Variants in ZFAND3 observed in about 807,000 individuals in gnomAD.
ZFAND3 encodes AN1-type zinc finger protein 3.
In ZFAND3, 10 loss-of-function variants were observed where a neutral mutation model predicts 29.6. The observed-to-expected ratio is 0.34, with a 90% confidence interval of 0.21 to 0.57. The LOEUF is 0.57. ZFAND3 is among the 20% of genes least tolerant of loss of function. The pLI is 0.86. For missense variants in ZFAND3, 230 were observed against 304.5 expected (o/e 0.76, Z 1.82); for synonymous variants, 128 against 112.6 (o/e 1.14, Z -0.87).
intron 2 of ZFAND3, among the ~76,000 whole-genome samples, chr6:38,014,817 G>A (rs1763226344): frequency 6.6e-6 from 1 of 152,134 alleles, no homozygotes; most frequent in African/African-American, 2.4e-5. Flanking sequence ...AGGGAAGATG[G>A]TATAGAGTTA....
chr6:38,032,851 A>C (rs1763587873), intron 2 of ZFAND3, among the ~76,000 whole-genome samples: 1 of 152,224 alleles, frequency 6.6e-6, no homozygotes, highest in Non-Finnish European at 1.5e-5. Context: ...TGTGTTTGAA[A>C]TTGAATTATT....
At chr6:38,014,620 G>A (rs1581840335) in intron 2 of ZFAND3, among the ~76,000 whole-genome samples, 1 of 152,220 alleles carries the variant, frequency 6.6e-6, no homozygotes, top group Non-Finnish European at 1.5e-5. Context: ...AGCCACCATG[G>A]CCAGCCCTAG....
intron 5 of ZFAND3, among the ~76,000 whole-genome samples, chr6:38,135,694 G>A (rs142074662): frequency 1.8e-3 from 270 of 152,176 alleles, no homozygotes; most frequent in African/African-American, 6.2e-3. Context: ...GCAGTGAGCC[G>A]AGATCGCGCC....
chr6:37,938,055 TCAGAGACAACTA>T (rs1433882673), intron 2 of ZFAND3, among the ~76,000 whole-genome samples: 1 of 152,226 alleles, frequency 6.6e-6, no homozygotes, highest in African/African-American at 2.4e-5. Flanking sequence ...TCTTCCCAAC[TCAGAGACAACTA>T]CTCTCCTTCT....
intron 2 of ZFAND3, among the ~76,000 whole-genome samples, chr6:38,031,874 C>A (rs963033878): frequency 2.1e-5 from 3 of 141,876 alleles, no homozygotes; most frequent in African/African-American, 7.7e-5. Flanking sequence ...TGCTGTATCA[C>A]CCAGGTCCTT....
chr6:37,853,216 A>C (rs1201348517), intron 1 of ZFAND3, among the ~76,000 whole-genome samples: 5 of 152,122 alleles, frequency 3.3e-5, no homozygotes, highest in Non-Finnish European at 7.3e-5. Context: ...AAATGGGATC[A>C]GTGACACTGG....
chr6:37,837,898 A>G (rs1476055766), intron 1 of ZFAND3, among the ~76,000 whole-genome samples: 1 of 152,240 alleles, frequency 6.6e-6, no homozygotes, highest in South Asian at 2.1e-4. Flanking sequence ...TTAAAATTAT[A>G]TTGATACAAT....
intron 1 of ZFAND3, chr6:37,833,191 A>G (rs1375506812): frequency 6.6e-6 from 1 of 152,244 alleles, no homozygotes; most frequent in Non-Finnish European, 1.5e-5. Flanking sequence ...CAGGCATGCT[A>G]CCATTGTATC....
At chr6:37,839,085 A>G (rs956784777) in intron 1 of ZFAND3, among the ~76,000 whole-genome samples, 2 of 152,142 alleles carry the variant, frequency 1.3e-5, no homozygotes, top group African/African-American at 4.8e-5. Context: ...AAATATGCCC[A>G]TTGACCATTT....
At position 37,919,034 on chromosome 6, in the gene ZFAND3, A is replaced by G. The variant is rs1274158406; in HGVS notation, c.72-10925A>G. Among the ~76,000 whole-genome samples the G allele has an allele frequency of 4.9e-5, 7 of 143,520 alleles. No homozygotes were observed. The South Asian group carries it at 1.1e-3, about 22-fold the overall frequency. The allele number at this position is 143,520 out of a possible 152,430, so 94.2% of individuals were successfully genotyped here. ...AGTGGCGCAATCTTGGCTCACTGCA[A>G]CCTCCGACTCTCTGGTTCAGGTGAT... is the stretch of plus-strand genomic sequence containing the variant. On this transcript the variant is annotated intron_variant, in intron 1 of 5. Coordinates refer to ENST00000287218, the MANE Select transcript of ZFAND3 (RefSeq NM_021943.3).
intron 2 of ZFAND3, among the ~76,000 whole-genome samples, chr6:37,990,519 AGT>A (rs1238154001): frequency 6.6e-6 from 1 of 152,116 alleles, no homozygotes; most frequent in Non-Finnish European, 1.5e-5. Context: ...TTTTGGTTAG[AGT>A]GTGTCTGACC....
At chr6:38,110,948 G>A (rs1241876862) in intron 4 of ZFAND3, among the ~76,000 whole-genome samples, 2 of 152,086 alleles carry the variant, frequency 1.3e-5, no homozygotes, top group Admixed American at 6.5e-5. Context: ...TTGAGATTCA[G>A]CTTTGACAGG....
chr6:38,045,415 T>C (rs1763883823), intron 2 of ZFAND3, among the ~76,000 whole-genome samples: 1 of 152,242 alleles, frequency 6.6e-6, no homozygotes, highest in South Asian at 2.1e-4. Context: ...TCTAATACAT[T>C]AGTTGATATT....
At chr6:38,097,249 A>ATTTTTT (rs1190146160) in intron 4 of ZFAND3, among the ~76,000 whole-genome samples, 1 of 123,476 alleles carries the variant, frequency 8.1e-6, no homozygotes, top group Non-Finnish European at 1.7e-5. Flanking sequence ...TTAATTTTTC[A>ATTTTTT]TTTTTTTTTT....
intron 4 of ZFAND3, among the ~76,000 whole-genome samples, chr6:38,106,695 G>C (rs2127480477): frequency 6.6e-6 from 1 of 152,240 alleles, no homozygotes; most frequent in East Asian, 1.9e-4. Context: ...GTGTGTGTGT[G>C]TGTGTATATG....
At chr6:37,939,689 T>C (rs556061807) in intron 2 of ZFAND3, among the ~76,000 whole-genome samples, 2 of 152,164 alleles carry the variant, frequency 1.3e-5, no homozygotes, top group Non-Finnish European at 2.9e-5. Flanking sequence ...ACTGTTTGGG[T>C]TGGATACAGT....
intron 2 of ZFAND3, among the ~76,000 whole-genome samples, chr6:38,048,385 G>A (rs559198968): frequency 6.6e-6 from 1 of 151,868 alleles, no homozygotes; most frequent in African/African-American, 2.4e-5. Flanking sequence ...ACTTTGGGAG[G>A]CCGAGCCGGG....
chr6:38,064,033 C>A (rs1239003650), intron 3 of ZFAND3, among the ~76,000 whole-genome samples: 1 of 151,992 alleles, frequency 6.6e-6, no homozygotes, highest in Non-Finnish European at 1.5e-5. Flanking sequence ...TTTTCAAGAT[C>A]ATGTACTTAC....
chr6:37,856,364 C>G (rs2127381646), intron 1 of ZFAND3, among the ~76,000 whole-genome samples: 1 of 152,316 alleles, frequency 6.6e-6, no homozygotes, highest in African/African-American at 2.4e-5. Context: ...AGCATTCTTC[C>G]TGGATCCATG....
Sources: allele counts gnomAD v4.1 joint callset (sites outside exome capture counted in the v4.1 genomes callset), GRCh38; gene constraint gnomAD v4.1.1; transcripts MANE v1.5; gene names NCBI Gene and HGNC (gene_info 2026-07-23, HGNC 2026-07-21).